DISC1: variants seen among roughly 807,000 people sequenced by gnomAD.
DISC1 encodes disrupted in schizophrenia 1 protein.
A neutral mutation model predicts 84.5 loss-of-function variants in DISC1; 57 were observed. The ratio of observed to expected loss-of-function variants is 0.67; its 90% CI spans 0.55 to 0.84. DISC1 has a LOEUF of 0.84. Among genes scored for constraint, DISC1 ranks in the 40% least tolerant of loss-of-function variants. The pLI is 0.00. For missense variants in DISC1, 1,000 were observed against 1,057.8 expected (o/e 0.95, Z 0.76); for synonymous variants, 411 against 415.2 (o/e 0.99, Z 0.12).
intron 10 of DISC1, among the ~76,000 whole-genome samples, chr1:231,993,483 AT>A (rs1464631587): frequency 1.3e-5 from 2 of 152,084 alleles, no homozygotes; most frequent in African/African-American, 2.4e-5. Context: ...AGTACTGGAA[AT>A]GGGGAAAAGC....
At chr1:231,725,289 C>T (rs1367759027) in intron 3 of DISC1, among the ~76,000 whole-genome samples, 1 of 152,172 alleles carries the variant, frequency 6.6e-6, no homozygotes, top group Non-Finnish European at 1.5e-5. Flanking sequence ...GTTCACAAGC[C>T]TCCTGACCCA....
chr1:231,868,705 T>C (rs2085237172), intron 9 of DISC1, among the ~76,000 whole-genome samples: 1 of 11,724 alleles, frequency 8.5e-5, no homozygotes, highest in Non-Finnish European at 1.6e-4. Context: ...TATATATATA[T>C]ATATATATAT....
At chr1:231,984,493 A>G (rs1180178632) in intron 10 of DISC1, among the ~76,000 whole-genome samples, 1 of 152,072 alleles carries the variant, frequency 6.6e-6, no homozygotes, top group East Asian at 1.9e-4. Flanking sequence ...TCCCTAGTGG[A>G]TGGGGGGCGT....
intron 10 of DISC1, among the ~76,000 whole-genome samples, chr1:232,000,676 G>A (rs1026338208): frequency 7.2e-5 from 11 of 152,044 alleles, no homozygotes; most frequent in Non-Finnish European, 1.5e-5. Flanking sequence ...TAAAGACAAG[G>A]AAAAATCCTT....
chr1:231,818,153 A>G (rs2738880), intron 8 of DISC1, among the ~76,000 whole-genome samples, 176 bp from the exon 9 acceptor site: 14,306 of 152,234 alleles, frequency 0.094, 973 homozygotes, highest in East Asian at 0.35. Context: ...CAGTTTAAGG[A>G]GAGCAATATT....
At chr1:231,911,134 G>T (rs148269641) in intron 9 of DISC1, among the ~76,000 whole-genome samples, 2,147 of 152,234 alleles carry the variant, frequency 0.014, 44 homozygotes, top group African/African-American at 0.048. Context: ...TATCCAATTT[G>T]CCAGTCTGTG....
chr1:231,751,327 A>G (rs1299141761), intron 4 of DISC1, among the ~76,000 whole-genome samples: 2 of 152,250 alleles, frequency 1.3e-5, no homozygotes, highest in African/African-American at 2.4e-5. Context: ...TTGAGGCACA[A>G]TAAATTTAGC....
chr1:231,720,431 T>C (rs1431636879), intron 3 of DISC1, among the ~76,000 whole-genome samples: 2 of 152,126 alleles, frequency 1.3e-5, no homozygotes, highest in African/African-American at 2.4e-5. Context: ...CTCAAATTCC[T>C]GGGCTTAGGC....
At chr1:231,819,285 G>T in intron 9 of DISC1, 1 of 476,044 alleles carries the variant, frequency 2.1e-6, no homozygotes, top group Non-Finnish European at 2.8e-6. Flanking sequence ...AAAAAACGGG[G>T]CTGATAGGAA....
chr1:232,024,759 A>G (rs573153307), intron 11 of DISC1, among the ~76,000 whole-genome samples: 1 of 146,644 alleles, frequency 6.8e-6, no homozygotes, highest in Admixed American at 6.9e-5. Flanking sequence ...CGCCCAGCTA[A>G]TTTTTGTATT....
chr1:232,019,215 G>A (rs549404873), intron 11 of DISC1, among the ~76,000 whole-genome samples: 1 of 152,280 alleles, frequency 6.6e-6, no homozygotes, highest in South Asian at 2.1e-4. Context: ...CCTGGAAGAA[G>A]TGGAATCTGC....
intron 3 of DISC1, chr1:231,745,473 C>T (rs539003866): frequency 1.7e-5 from 4 of 230,078 alleles, no homozygotes; most frequent in African/African-American, 4.6e-5. Context: ...CCACCTGCTT[C>T]GGCCTCCCAA....
At chr1:231,748,163 A>G (rs115065539) in intron 3 of DISC1, among the ~76,000 whole-genome samples, 136 of 152,304 alleles carry the variant, frequency 8.9e-4, no homozygotes, top group Middle Eastern at 3.4e-3. Flanking sequence ...TCTAGATATA[A>G]GAGCATGCCA....
chr1:231,749,309 G>T (rs1189280133), intron 3 of DISC1, among the ~76,000 whole-genome samples: 2 of 152,146 alleles, frequency 1.3e-5, no homozygotes, highest in African/African-American at 4.8e-5. Flanking sequence ...AAATGATCTG[G>T]AGTTTATTTT....
chr1:231,837,395 C>T (rs910524979), intron 9 of DISC1, among the ~76,000 whole-genome samples: 2 of 152,164 alleles, frequency 1.3e-5, no homozygotes, highest in African/African-American at 2.4e-5. Flanking sequence ...AATTACCAAA[C>T]ACGGAACAAG....
intron 8 of DISC1, chr1:231,813,232 G>A (rs775129913): frequency 9.9e-5 from 15 of 152,202 alleles, no homozygotes; most frequent in Non-Finnish European, 2.2e-4. Flanking sequence ...GTTTGCAGGA[G>A]GACATGGCAC....
chr1:231,807,360 C>CT (rs1409294005), intron 8 of DISC1, among the ~76,000 whole-genome samples: 1 of 152,250 alleles, frequency 6.6e-6, no homozygotes, highest in African/African-American at 2.4e-5. Context: ...CCTGCATGCA[C>CT]TTCCAGCTCC....
intron 9 of DISC1, among the ~76,000 whole-genome samples, chr1:231,879,692 G>T (rs2086153367): frequency 6.6e-6 from 1 of 151,996 alleles, no homozygotes; most frequent in Admixed American, 6.6e-5. Flanking sequence ...TGGTGGGCAG[G>T]AGAGGGGAGA....
At chr1:231,952,090 C>CAAAAAAAAAAAAAAAAAAAAAAAAAA (rs11392611) in intron 9 of DISC1, among the ~76,000 whole-genome samples, 1 of 54,244 alleles carries the variant, frequency 1.8e-5, no homozygotes, top group Non-Finnish European at 3.8e-5. Flanking sequence ...CTCAATGTCT[C>CAAAAAAAAAAAAAAAAAAAAAAAAAA]AAAAAAAAAA....
Sources: gnomAD v4.1 joint callset for allele counts (sites outside exome capture counted in the v4.1 genomes callset) on GRCh38, gnomAD v4.1.1 for gene constraint, MANE v1.5 for transcripts, NCBI Gene and HGNC (gene_info 2026-07-23, HGNC 2026-07-21) for gene names.